PNPLA7: variants seen among roughly 807,000 people sequenced by gnomAD.
PNPLA7 encodes patatin like domain 7, lysophospholipase, also known as patatin-like phospholipase domain-containing protein 7.
PNPLA7 carries 153 observed loss-of-function variants against 161.7 expected under a neutral mutation model. The ratio of observed to expected loss-of-function variants is 0.95; its 90% CI spans 0.83 to 1.08. The LOEUF (loss-of-function observed/expected upper bound fraction) is 1.08, where lower values mean the gene tolerates loss of function less well. PNPLA7 is among the 50% of genes least tolerant of loss of function. The pLI, the probability that PNPLA7 is intolerant of heterozygous loss-of-function variation, is 0.00. For missense variants in PNPLA7, 1,739 were observed against 1,856.6 expected (o/e 0.94, Z 1.16); for synonymous variants, 809 against 782.1 (o/e 1.03, Z -0.57).
At chr9:137,536,368 C>T (rs762416896) in intron 8 of PNPLA7, among the ~76,000 whole-genome samples, 9 of 151,832 alleles carry the variant, frequency 5.9e-5, no homozygotes, top group Non-Finnish European at 1.2e-4. Context: ...CCTGGGATGG[C>T]GTCTGGACAG....
At position 137,523,603 on chromosome 9, in the gene PNPLA7, A is replaced by G. The variant is rs1020081822; in HGVS notation, c.748-746T>C. ...GAGACGAAAGGCTGTTGTTTACACC[A>G]TGCCGTCACCTGCCTGCAGAGACAG... is the stretch of plus-strand genomic sequence containing the variant. On this transcript the variant is annotated intron_variant, in intron 8 of 34. Transcript: ENST00000406427. This position sits in a 1 kb window ranked among gnomAD's most constrained non-coding sequence, Gnocchi z 4.4. Among the ~76,000 whole-genome samples the G allele has an allele frequency of 1.5e-4, 23 of 151,738 alleles. No homozygotes were observed. The highest frequency in any genetic ancestry group is 2.9e-4 in the Non-Finnish European group (20 of 67,994).
rs1439686810 is a variant in PNPLA7 at position 137,482,857 on chromosome 9, A to C, written c.2347+1730T>G. ...ATTTCTCCGATCCTATAATTATTTC[A>C]AAATAAAGTGGGTTTTTTGTTTGTT... On this transcript the variant is annotated intron_variant, in intron 21 of 34. Transcript: ENST00000406427. Among the ~76,000 whole-genome samples the C allele has an allele frequency of 3.9e-5, 6 of 152,346 alleles. No homozygotes were observed. The East Asian group carries it at 7.7e-4, about 20-fold the overall frequency.
intron 8 of PNPLA7, among the ~76,000 whole-genome samples, chr9:137,535,201 G>A (rs542924237): frequency 6.6e-6 from 1 of 152,006 alleles, no homozygotes; most frequent in South Asian, 2.1e-4. Flanking sequence ...TGGCCTCTTG[G>A]GCTCCACATT....
In PNPLA7 at chr9:137,460,474, C is replaced by G; in HGVS notation, c.3948G>C (p.Glu1316Asp). The G allele has an allele frequency of 1.9e-6, 3 of 1,612,428 alleles. No homozygotes were observed. In the South Asian group the frequency reaches 3.3e-5, roughly 18 times the overall value. The change falls in exon 35 of 35, where the codon GAG becomes GAC. Residue 1316 changes from glutamate to aspartate, a missense_variant and splice_region_variant. Glu to Asp is a conservative substitution (Grantham distance 45). This residue lies in a region of PNPLA7 where 703 missense variants were observed against 694.6 expected (regional missense o/e 1.01). Coordinates refer to ENST00000406427, the MANE Select transcript of PNPLA7 (RefSeq NM_001098537.3). Reference protein sequence around the residue: ...STSAQQGSDLEDESSLRHRHP... With the variant: ...STSAQQGSDLDDESSLRHRHP... Reference sequence around the variant, plus strand: ...GTCGATGCCGCAGTGAGGACTCGTCCTCCTGCAAGCAGACCGCATGTTCCA... The same window carrying G: ...GTCGATGCCGCAGTGAGGACTCGTCGTCCTGCAAGCAGACCGCATGTTCCA...
At chr9:137,481,233 G>A (rs892895280) in intron 21 of PNPLA7, among the ~76,000 whole-genome samples, 2 of 152,240 alleles carry the variant, frequency 1.3e-5, no homozygotes, top group Non-Finnish European at 2.9e-5. Flanking sequence ...ACCTGCCAGT[G>A]GGGAAGGGCC....
chr9:137,507,599 G>A (rs978516688), intron 12 of PNPLA7, among the ~76,000 whole-genome samples: 1 of 152,146 alleles, frequency 6.6e-6, no homozygotes, highest in Non-Finnish European at 1.5e-5. Flanking sequence ...AACCCAGGAG[G>A]CAGAGGTTGC....
chr9:137,506,189 A>T (rs1267464085), intron 12 of PNPLA7, 106 bp from the exon 13 acceptor site: 1 of 874,718 alleles, frequency 1.1e-6, no homozygotes, highest in East Asian at 2.7e-5. Flanking sequence ...AGACCCCGGC[A>T]GCTCCCTCGA....
At chr9:137,526,513 A>G (rs569921549) in intron 8 of PNPLA7, among the ~76,000 whole-genome samples, 1 of 152,108 alleles carries the variant, frequency 6.6e-6, no homozygotes, top group Non-Finnish European at 1.5e-5. Flanking sequence ...TCCTGACCTC[A>G]TGATCCACCC....
rs1192407301 is a variant in PNPLA7, at chr9:137,519,977, A to G, written c.1024T>C (p.Phe342Leu). Reference protein sequence around the residue: ...VAAGKAKKQVFYGEEERLKKP... With the variant: ...VAAGKAKKQVLYGEEERLKKP... ...TTAAGCCGCTCTTCTTCGCCATAGA[A>G]CACCTGCTTCTTGGCCTTCCCGGCA... The change falls in exon 11 of 35, where the codon TTC (phenylalanine) becomes CTC (leucine). Residue 342 changes from phenylalanine to leucine, a missense_variant. Phe to Leu is a conservative substitution (Grantham distance 22). Transcript: ENST00000406427. The G allele has an allele frequency of 6.2e-7, 1 of 1,612,692 alleles. No homozygotes were observed. Among genetic ancestry groups the G allele is most frequent in the Non-Finnish European group, 8.5e-7 (1 of 1,179,892 alleles).
At position 137,505,549 on chromosome 9, in the gene PNPLA7, G is replaced by A. The variant is rs1833867863; in HGVS notation, c.1473+65C>T. 7.6e-6 allele frequency: 12 copies of A among 1,578,254 alleles called. No homozygotes were observed. In the East Asian group the frequency reaches 1.1e-4, roughly 15 times the overall value. ...CCACACCTGGAACCACTGCCCAACA[G>A]AGGCAGAGAGGAGGCCACGGGCCCT... On this transcript the variant is annotated intron_variant, in intron 14 of 34. Transcript: ENST00000406427.
In PNPLA7 at chr9:137,500,565, C is replaced by G. The variant is rs1588613085; in HGVS notation, c.1757+126G>C. ...CCTGGGCCCACACAGGTGCCGGGGA[C>G]AAAGAGGGGAGCCCGAGAAGCAGGG... On this transcript the variant is annotated intron_variant, in intron 16 of 34. Transcript: ENST00000406427. The surrounding 1 kb of genome is among the most constrained non-coding windows in gnomAD (Gnocchi z 5.5). 1 of 914,794 alleles carries G rather than the reference C, an allele frequency of 1.1e-6. No individual in the cohort carries two copies. The highest frequency in any genetic ancestry group is 2.6e-5 in the East Asian group (1 of 38,132). 56.7% of individuals were successfully genotyped at this position (914,794 alleles called of 1,614,324 possible).
chr9:137,472,528 G>A (rs1335965680), intron 25 of PNPLA7, among the ~76,000 whole-genome samples: 5 of 150,668 alleles, frequency 3.3e-5, no homozygotes. Context: ...GTAGGTGCCT[G>A]TAATCCCAGC....
Position 137,460,446 on chromosome 9 carries a change from G to A in PNPLA7, c.3976C>T (p.Pro1326Ser). The A allele has an allele frequency of 6.2e-7, 1 of 1,612,696 alleles. No individual in the cohort carries two copies. Among genetic ancestry groups the A allele is most frequent in the East Asian group, 2.2e-5 (1 of 44,884 alleles). The change falls in exon 35 of 35, where the codon CCC becomes TCC. Residue 1326 changes from proline (P) to serine (S), a missense_variant. Around this residue, in one of 6 missense-constraint regions of PNPLA7, gnomAD observed 703 missense variants for 694.6 expected, o/e 1.01. Coordinates refer to ENST00000406427, the MANE Select transcript of PNPLA7 (RefSeq NM_001098537.3). ...EDESSLRHRH[P>S]SLAFPKLSEG... ...GACAGTTTTGGGAAAGCCAGACTGG[G>A]GTGTCGATGCCGCAGTGAGGACTCG...
intron 12 of PNPLA7, among the ~76,000 whole-genome samples, chr9:137,506,947 G>A (rs900663094): frequency 3.1e-4 from 47 of 152,228 alleles, no homozygotes; most frequent in African/African-American, 1.0e-3. Context: ...CAGAGGAACC[G>A]CGCAGACACT....
At chr9:137,525,245 G>C (rs923583095) in intron 8 of PNPLA7, among the ~76,000 whole-genome samples, 1 of 152,224 alleles carries the variant, frequency 6.6e-6, no homozygotes, top group African/African-American at 2.4e-5. Flanking sequence ...AGGAGGTATA[G>C]GGTCCAGCCC....
chr9:137,505,764 G>C lies in PNPLA7; in HGVS notation c.1327-4C>G, dbSNP rs372067642. ...CAACCATCACGCTTTTCCTGGACTG[G>C]AGAAGAACGGAGATACCGGCAATTC... is the stretch of plus-strand genomic sequence containing the variant. On this transcript the variant is annotated splice_polypyrimidine_tract_variant and splice_region_variant and intron_variant, in intron 13 of 34. Transcript: ENST00000406427. The C allele has an allele frequency of 4.2e-5, 68 of 1,613,406 alleles. No individual in the cohort carries two copies. The Admixed American group carries it at 7.0e-4, about 17-fold the overall frequency.
In PNPLA7 at chr9:137,479,076, TG is replaced by T; in HGVS notation, c.2742del (p.Arg915GlyfsTer32). The T allele has an allele frequency of 6.3e-7, 1 of 1,592,354 alleles. No individual in the cohort carries two copies. Among genetic ancestry groups the T allele is most frequent in the Non-Finnish European group, 8.6e-7 (1 of 1,168,018 alleles). ...CTCACCAGCTTGGGCAGGCTCCTCC[TG>T]GAGAAGACGCGGCGCGGGCAGCAGA... is the stretch of plus-strand genomic sequence containing the variant. The part of the protein sequence containing the change: ...LHLCCPRRVF[S>X]RRSLPKLVEM... On this transcript the variant is annotated frameshift_variant, in exon 24 of 35. Transcript: ENST00000406427. LOFTEE classifies it high-confidence loss of function.
chr9:137,526,341 G>C (rs1010685760), intron 8 of PNPLA7, among the ~76,000 whole-genome samples: 4 of 152,010 alleles, frequency 2.6e-5, no homozygotes, highest in African/African-American at 9.7e-5. Context: ...GCAATGGCGC[G>C]ATCTCAGCTC....
intron 33 of PNPLA7, 75 bp downstream of exon 33, chr9:137,461,461 T>TGGGGGGGGGCGGGGGGGGG: frequency 8.4e-7 from 1 of 1,189,092 alleles, no homozygotes; most frequent in Admixed American, 2.7e-5. Flanking sequence ...GCCTCTGGGG[T>TGGGGGGGGGCGGGGGGGGG]GGGGGGGTTC....
Sources: gnomAD v4.1 joint callset for allele counts (sites outside exome capture counted in the v4.1 genomes callset) on GRCh38, gnomAD v4.1.1 for gene constraint, gnomAD v4.1.1 regional missense constraint, Gnocchi (gnomAD v3.1) non-coding constraint, MANE v1.5 for transcripts, NCBI Gene and HGNC (gene_info 2026-07-23, HGNC 2026-07-21) for gene names.